The following DOCK10 variants were observed in gnomAD, a reference collection of about 807,000 sequenced individuals.
DOCK10 encodes the protein dedicator of cytokinesis 10, also known as dedicator of cytokinesis protein 10.
DOCK10 carries 145 observed loss-of-function variants against 280.1 expected under a neutral mutation model. That is an observed-to-expected ratio of 0.52 (90% CI 0.45 to 0.59). DOCK10 has a LOEUF of 0.59. DOCK10 is among the 20% of genes least tolerant of loss of function. The pLI, the probability that DOCK10 is intolerant of heterozygous loss-of-function variation, is 0.00. For synonymous variants in DOCK10, 915 were observed against 942.2 expected, an observed-to-expected ratio of 0.97 and a Z score of 0.53; for missense variants, 2,368 against 2,651.7, an observed-to-expected ratio of 0.89 and a Z score of 2.35.
At chr2:225,033,851 C>T (rs1335300927) in intron 1 of DOCK10, among the ~76,000 whole-genome samples, 2 of 152,196 alleles carry the variant, frequency 1.3e-5, no homozygotes, top group Non-Finnish European at 2.9e-5. Context: ...CAACCTCATG[C>T]TTATCTTGCC....
chr2:224,891,923 C>T (rs1453651942), intron 4 of DOCK10, among the ~76,000 whole-genome samples: 1 of 152,140 alleles, frequency 6.6e-6, no homozygotes, highest in Non-Finnish European at 1.5e-5. Flanking sequence ...GGGCCATTCT[C>T]CTTTGCCATT....
In DOCK10 at chr2:224,786,957, G is replaced by T; in HGVS notation, c.5655+65C>A. On this transcript the variant is annotated intron_variant, in intron 50 of 55. Transcript: ENST00000258390. The surrounding 1 kb of genome is among the most constrained non-coding windows in gnomAD (Gnocchi z 4.7). ...CTGGTACACACAGATGTCTCATAAA[G>T]AATGAAAGACAACATTCAACTGCTC... is the stretch of plus-strand genomic sequence containing the variant. 3 of 1,190,628 alleles carry T rather than the reference G, an allele frequency of 2.5e-6. No homozygotes were observed. Among genetic ancestry groups the T allele is most frequent in the Non-Finnish European group, 3.8e-6 (3 of 794,156 alleles). The allele number at this position is 1,190,628 out of a possible 1,614,324, so 73.8% of individuals were successfully genotyped here.
chr2:224,794,787 A>G (rs1692441288), intron 45 of DOCK10, 92 bp downstream of exon 45: 2 of 1,237,730 alleles, frequency 1.6e-6, no homozygotes, highest in Admixed American at 3.7e-5. Context: ...AAAACATGGC[A>G]TCCTTTTCTA....
chr2:225,040,226 TTTCCC>T (rs1443322106), intron 1 of DOCK10, among the ~76,000 whole-genome samples: 4 of 152,166 alleles, frequency 2.6e-5, no homozygotes, highest in Non-Finnish European at 4.4e-5. Context: ...CACCTTCCTG[TTTCCC>T]TTCAAGAGTT....
intron 7 of DOCK10, among the ~76,000 whole-genome samples, chr2:224,879,132 T>G (rs1302241892): frequency 6.6e-6 from 1 of 152,080 alleles, no homozygotes; most frequent in Non-Finnish European, 1.5e-5. Flanking sequence ...TTTGAAAAAA[T>G]CATTTTGACT....
chr2:224,774,649 C>A (rs1477823536), intron 52 of DOCK10, among the ~76,000 whole-genome samples: 2 of 152,196 alleles, frequency 1.3e-5, no homozygotes, highest in African/African-American at 4.8e-5. Context: ...GGCACTGACC[C>A]CATCACCCTT....
intron 1 of DOCK10, among the ~76,000 whole-genome samples, chr2:225,011,924 A>G (rs551002839): frequency 2.2e-4 from 33 of 152,326 alleles, no homozygotes; most frequent in African/African-American, 7.7e-4. Flanking sequence ...CAATGCACAT[A>G]CGCAACTGAA....
At chr2:224,798,427 A>G (rs968882066) in intron 41 of DOCK10, among the ~76,000 whole-genome samples, 1 of 152,124 alleles carries the variant, frequency 6.6e-6, no homozygotes, top group Non-Finnish European at 1.5e-5. Context: ...GAGAAATGGG[A>G]GAGAGGTCAC....
chr2:224,784,597 G>T, intron 50 of DOCK10: 1 of 740,128 alleles, frequency 1.4e-6, no homozygotes, highest in Non-Finnish European at 2.0e-6. Context: ...CTCCAAAAAT[G>T]AATGAAAGCA....
chr2:224,844,449 AT>A (rs1309489418), intron 22 of DOCK10, among the ~76,000 whole-genome samples: 2 of 152,082 alleles, frequency 1.3e-5, no homozygotes, highest in Non-Finnish European at 2.9e-5. Flanking sequence ...AACATTTAAC[AT>A]TTTTAACACA....
In DOCK10 at chr2:224,797,135, C is replaced by T. The variant is rs76100309; in HGVS notation, c.4656G>A (p.Ala1552=). 20,576 of 1,601,538 alleles carry T rather than the reference C, an allele frequency of 0.013. 165 individuals carry two copies. Among genetic ancestry groups the T allele is most frequent in the Admixed American group, 0.016 (934 of 58,252 alleles). The change falls in exon 43 of 56, where the codon GCG becomes GCA. Residue 1552 remains alanine (A), a synonymous_variant. Transcript: ENST00000258390. ...LRLFVCKFPS[A]FFQGPADLCG... ...AGAGGTCAGCAGGCCCTTGAAAGAA[C>T]GCTGAAGGAAACTGCAGAAATGGAA...
chr2:224,812,646 T>C (rs1413086260), intron 31 of DOCK10, among the ~76,000 whole-genome samples: 1 of 152,230 alleles, frequency 6.6e-6, no homozygotes, highest in Non-Finnish European at 1.5e-5. Context: ...CTCTTATTAT[T>C]TTGAGATACG....
Position 225,042,255 on chromosome 2 carries a change from C to G in DOCK10, c.120G>C (p.Gln40His). 4 of 1,300,974 alleles carry G rather than the reference C, an allele frequency of 3.1e-6. No individual in the cohort carries two copies. Among genetic ancestry groups the G allele is most frequent in the South Asian group, 2.3e-5 (1 of 43,620 alleles). The allele number at this position is 1,300,974 out of a possible 1,614,324, so 80.6% of individuals were successfully genotyped here. The change falls in exon 1 of 56, where the codon CAG becomes CAC. Residue 40 changes from glutamine to histidine, a missense_variant. By Grantham distance (24) the Gln-to-His change is conservative. Transcript: ENST00000258390. The surrounding 1 kb of genome is among the most constrained non-coding windows in gnomAD (Gnocchi z 5.1). ...GCGGAGGACGCGCCGCACTCACCCG[C>G]TGCTGCTGCCGGCTGCTGACTGCCA... ...AAVAVSSRQQ[Q>H]RQEKPRLLEP...
chr2:224,837,692 T>C lies in DOCK10; in HGVS notation c.2850+70A>G, dbSNP rs540802916. On this transcript the variant is annotated intron_variant, in intron 25 of 55. Coordinates refer to ENST00000258390, the MANE Select transcript of DOCK10 (RefSeq NM_014689.3). ...TAAAGGGAGAAAACTTCCCACTTAC[T>C]GCAGACAGGAAATGAGACAAGTCAC... 6 of 1,351,136 alleles carry C rather than the reference T, an allele frequency of 4.4e-6. No individual in the cohort carries two copies. The African/African-American group carries it at 7.2e-5, about 16-fold the overall frequency. The allele number at this position is 1,351,136 out of a possible 1,614,324, so 83.7% of individuals were successfully genotyped here. A position where few individuals can be genotyped will look rare whatever the true frequency, so the allele number is the denominator to read the frequency against.
intron 1 of DOCK10, among the ~76,000 whole-genome samples, chr2:224,979,198 T>C (rs889297388): frequency 2.0e-5 from 3 of 152,212 alleles, no homozygotes; most frequent in Non-Finnish European, 4.4e-5. Context: ...TAACACTCAC[T>C]AGTTACCAGT....
intron 19 of DOCK10, among the ~76,000 whole-genome samples, chr2:224,847,255 C>A (rs1696426551): frequency 6.6e-6 from 1 of 152,180 alleles, no homozygotes; most frequent in Admixed American, 6.5e-5. Flanking sequence ...ATTTCATTTT[C>A]CCCAGTAGCC....
At chr2:224,936,364 C>T (rs765300242) in intron 1 of DOCK10, among the ~76,000 whole-genome samples, 3 of 152,054 alleles carry the variant, frequency 2.0e-5, no homozygotes, top group Non-Finnish European at 4.4e-5. Flanking sequence ...AAAGGGCACT[C>T]GCTACCTCAG....
intron 1 of DOCK10, among the ~76,000 whole-genome samples, chr2:224,998,575 C>A (rs918865793): frequency 1.3e-5 from 2 of 152,136 alleles, no homozygotes; most frequent in African/African-American, 4.8e-5. Flanking sequence ...AGCATAAAAG[C>A]TTCTGCTATA....
Position 224,770,450 on chromosome 2 carries a change from C to T in DOCK10, c.6305+95G>A. ...GTCAGGCTGCTGATGGACTCTGCCA[C>T]CTCAGTGAGTTTTGGTGTGATGGAT... On this transcript the variant is annotated intron_variant, in intron 54 of 55. Transcript: ENST00000258390. The surrounding 1 kb of genome is among the most constrained non-coding windows in gnomAD (Gnocchi z 4.5). The T allele has an allele frequency of 6.4e-7, 1 of 1,562,780 alleles. No homozygotes were observed. The highest frequency in any genetic ancestry group is 1.8e-5 in the Admixed American group (1 of 55,964).
Sources: allele counts gnomAD v4.1 joint callset (sites outside exome capture counted in the v4.1 genomes callset), GRCh38; gene constraint gnomAD v4.1.1; non-coding constraint Gnocchi (gnomAD v3.1); transcripts MANE v1.5; gene names NCBI Gene and HGNC (gene_info 2026-07-23, HGNC 2026-07-21).